RETREG1: variants seen among roughly 807,000 people sequenced by gnomAD.
RETREG1 encodes the protein family with sequence similarity 134 member B.
Under a neutral mutation model 54.8 loss-of-function variants are expected in RETREG1, and 44 were observed. The observed-to-expected ratio is 0.80, with a 90% CI of 0.63 to 1.03. The LOEUF is 1.03. RETREG1 is among the 50% of genes least tolerant of loss of function. The probability of loss-of-function intolerance (pLI) is 0.00; values close to 1 mark genes in which losing one functional copy is unlikely to be tolerated. For synonymous variants in RETREG1, 217 were observed against 238.5 expected, an observed-to-expected ratio of 0.91 and a Z score of 0.83; for missense variants, 554 against 605.1, an observed-to-expected ratio of 0.92 and a Z score of 0.89.
chr5:16,506,494 G>C (rs1739963102), intron 3 of RETREG1, among the ~76,000 whole-genome samples: 1 of 138,150 alleles, frequency 7.2e-6, no homozygotes, highest in Non-Finnish European at 1.6e-5. Context: ...TTTTTTTTGA[G>C]ACAGGGTCTT....
chr5:16,586,575 T>C (rs1742632293), intron 1 of RETREG1, among the ~76,000 whole-genome samples: 1 of 152,218 alleles, frequency 6.6e-6, no homozygotes, highest in Non-Finnish European at 1.5e-5. Context: ...GGAACCTACA[T>C]GCTAACAGTC....
Position 16,492,468 on chromosome 5 carries a change from TA to T in RETREG1, c.459-8997del, listed in dbSNP as rs74869826. Among the ~76,000 whole-genome samples the T allele has an allele frequency of 1.0e-2, 1,333 of 133,432 alleles. 7 individuals are homozygous for T. The highest frequency in any genetic ancestry group is 0.049 in the South Asian group (206 of 4,188). The allele number at this position is 133,432 out of a possible 152,430, so 87.5% of individuals were successfully genotyped here. On this transcript the variant is annotated intron_variant, in intron 3 of 8. Coordinates refer to ENST00000306320, the MANE Select transcript of RETREG1 (RefSeq NM_001034850.3). The stretch of plus-strand genomic sequence containing the variant: ...AGTCACCATTCCATATTGACAAACT[TA>T]AAAAAAAAAAAAAAGGATTTGTTAT...
At chr5:16,571,621 A>G (rs995891656) in intron 2 of RETREG1, among the ~76,000 whole-genome samples, 2 of 152,074 alleles carry the variant, frequency 1.3e-5, no homozygotes, top group Non-Finnish European at 2.9e-5. Flanking sequence ...TAAACCCTGA[A>G]TTAGTTGTTT....
At chr5:16,508,846 T>A in intron 3 of RETREG1, 2 of 1,412,326 alleles carry the variant, frequency 1.4e-6, no homozygotes, top group South Asian at 3.1e-5. Flanking sequence ...GGAGCTGGGT[T>A]ATTATCACTG....
chr5:16,499,244 C>T lies in RETREG1; in HGVS notation c.459-15772G>A, dbSNP rs77407394. On this transcript the variant is annotated intron_variant, in intron 3 of 8. Transcript: ENST00000306320. ...TCACATATGCAGCCATGTCCTTATG[C>T]GGCGTATGACTGTATTTAGAATTAA... is the stretch of plus-strand genomic sequence containing the variant. Among the ~76,000 whole-genome samples the T allele has an allele frequency of 6.2e-3, 945 of 152,200 alleles. 12 individuals carry two copies. Among genetic ancestry groups the T allele is most frequent in the African/African-American group, 0.019 (783 of 41,528 alleles).
chr5:16,561,490 C>G lies in RETREG1; in HGVS notation c.458+4273G>C, dbSNP rs1333171296. Reference sequence around the variant, plus strand: ...CCAGCCTGGGCGACAGAGCAAGACTCCGTCTCAAAAAATAATAATAATAAA... The same window carrying G: ...CCAGCCTGGGCGACAGAGCAAGACTGCGTCTCAAAAAATAATAATAATAAA... On this transcript the variant is annotated intron_variant, in intron 3 of 8. Coordinates refer to ENST00000306320, the MANE Select transcript of RETREG1 (RefSeq NM_001034850.3). The surrounding 1 kb of genome is among the most constrained non-coding windows in gnomAD (Gnocchi z 4.2). Among the ~76,000 whole-genome samples, 1 of 151,678 alleles carries G rather than the reference C, an allele frequency of 6.6e-6. No homozygotes were observed. Among genetic ancestry groups the G allele is most frequent in the Non-Finnish European group, 1.5e-5 (1 of 67,942 alleles).
intron 1 of RETREG1, among the ~76,000 whole-genome samples, chr5:16,576,294 CTTTTTTTTTTT>C (rs70940380): frequency 7.9e-6 from 1 of 125,836 alleles, no homozygotes; most frequent in Non-Finnish European, 1.7e-5. Context: ...TTTTCTTTTT[CTTTTTTTTTTT>C]TTTTTTGAGA....
At chr5:16,536,592 C>T (rs921643280) in intron 3 of RETREG1, among the ~76,000 whole-genome samples, 1 of 152,108 alleles carries the variant, frequency 6.6e-6, no homozygotes, top group African/African-American at 2.4e-5. Context: ...ACAAACATGC[C>T]TCTCCCATTT....
At chr5:16,537,570 C>T (rs185291215) in intron 3 of RETREG1, among the ~76,000 whole-genome samples, 6 of 152,294 alleles carry the variant, frequency 3.9e-5, no homozygotes, top group Non-Finnish European at 2.9e-5. Context: ...TGATGGTGCG[C>T]CCCTGTAATC....
At chr5:16,508,666 C>T (rs1349675710) in intron 3 of RETREG1, 28 of 1,613,116 alleles carry the variant, frequency 1.7e-5, no homozygotes, top group East Asian at 1.1e-4. Flanking sequence ...CTGCTAACCA[C>T]GGCTAATGTG....
chr5:16,488,945 T>C (rs1739132430), intron 3 of RETREG1, among the ~76,000 whole-genome samples: 1 of 151,858 alleles, frequency 6.6e-6, no homozygotes, highest in Non-Finnish European at 1.5e-5. Flanking sequence ...TAGCCAGGCC[T>C]GGTGGCATGC....
At chr5:16,528,236 A>G (rs1740783749) in intron 3 of RETREG1, among the ~76,000 whole-genome samples, 1 of 152,322 alleles carries the variant, frequency 6.6e-6, no homozygotes, top group East Asian at 1.9e-4. Context: ...AAGTAGGAAA[A>G]GCAGCATTTT....
At chr5:16,555,617 T>C (rs1302436099) in intron 3 of RETREG1, among the ~76,000 whole-genome samples, 2 of 152,246 alleles carry the variant, frequency 1.3e-5, no homozygotes, top group African/African-American at 4.8e-5. Flanking sequence ...GTTTAATTTC[T>C]AGGTGATGAG....
chr5:16,500,681 A>G (rs332807), intron 3 of RETREG1, among the ~76,000 whole-genome samples: 81,606 of 151,972 alleles, frequency 0.54, 22,105 homozygotes, highest in Middle Eastern at 0.58. Context: ...TCATCTCTCT[A>G]TAAGATGCAC....
intron 2 of RETREG1, among the ~76,000 whole-genome samples, chr5:16,566,028 G>A: frequency 6.6e-6 from 1 of 152,292 alleles, no homozygotes. Flanking sequence ...AGTACCGTGG[G>A]AGATAGGACA....
chr5:16,609,561 GGA>G (rs1743283357), intron 1 of RETREG1, among the ~76,000 whole-genome samples: 1 of 152,172 alleles, frequency 6.6e-6, no homozygotes, highest in Admixed American at 6.5e-5. Context: ...CAGGAGGAAG[GGA>G]GAGAGTATGC....
chr5:16,599,338 T>C (rs2126355407), intron 1 of RETREG1, among the ~76,000 whole-genome samples: 1 of 152,322 alleles, frequency 6.6e-6, no homozygotes, highest in South Asian at 2.1e-4. Context: ...ATCAGTAAAC[T>C]TTTCAAAATC....
chr5:16,547,714 C>T (rs891692383), intron 3 of RETREG1, among the ~76,000 whole-genome samples: 1 of 152,138 alleles, frequency 6.6e-6, no homozygotes, highest in Admixed American at 6.5e-5. Flanking sequence ...GCAGGTTTTA[C>T]AAACCCCTTT....
At chr5:16,526,624 A>G (rs1448541701) in intron 3 of RETREG1, among the ~76,000 whole-genome samples, 3 of 152,242 alleles carry the variant, frequency 2.0e-5, no homozygotes, top group African/African-American at 7.2e-5. Context: ...CCAAGGTTTT[A>G]ATTTTGTTTA....
Sources: gnomAD v4.1 joint callset for allele counts (sites outside exome capture counted in the v4.1 genomes callset) on GRCh38, gnomAD v4.1.1 for gene constraint, Gnocchi (gnomAD v3.1) non-coding constraint, MANE v1.5 for transcripts, NCBI Gene and HGNC (gene_info 2026-07-23, HGNC 2026-07-21) for gene names.